The following EMC1 variants were observed in gnomAD, a reference collection of about 807,000 sequenced individuals.
The protein encoded by EMC1 is KIAA0090.
EMC1 carries 103 observed loss-of-function variants against 128.8 expected under a neutral mutation model. The observed-to-expected ratio is 0.80, with a 90% confidence interval of 0.68 to 0.94. The LOEUF (loss-of-function observed/expected upper bound fraction) is 0.94. EMC1 is among the 40% of genes least tolerant of loss of function. The pLI, the probability that EMC1 is intolerant of heterozygous loss-of-function variation, is 0.00. For missense variants in EMC1, 1,083 were observed against 1,250.6 expected (o/e 0.87, Z 2.02); for synonymous variants, 442 against 490.4 (o/e 0.90, Z 1.30).
chr1:19,249,731 C>A (rs1459131961), intron 1 of EMC1, among the ~76,000 whole-genome samples: 1 of 151,872 alleles, frequency 6.6e-6, no homozygotes, highest in Admixed American at 6.6e-5. Context: ...TCAAGACCAG[C>A]CTGGGCAACA....
intron 3 of EMC1, 94 bp from the exon 4 acceptor site, chr1:19,243,801 G>C: frequency 6.9e-7 from 1 of 1,456,586 alleles, no homozygotes; most frequent in Non-Finnish European, 9.6e-7. Flanking sequence ...TCTGATTTCT[G>C]GATGCAAATA....
intron 20 of EMC1, 58 bp downstream of exon 20, chr1:19,222,566 C>A (rs1002911206): frequency 6.7e-7 from 1 of 1,484,056 alleles, no homozygotes; most frequent in Non-Finnish European, 9.4e-7. Flanking sequence ...CTTGCTCTGT[C>A]CTTAAGTGTG....
chr1:19,226,724 TG>T (rs1007152546), intron 18 of EMC1, among the ~76,000 whole-genome samples: 4 of 151,304 alleles, frequency 2.6e-5, no homozygotes, highest in Non-Finnish European at 5.9e-5. Context: ...CCCAGCTAAT[TG>T]TTTTTTTTGT....
At chr1:19,243,222 G>C (rs1482502003) in intron 4 of EMC1, among the ~76,000 whole-genome samples, 2 of 152,108 alleles carry the variant, frequency 1.3e-5, no homozygotes, top group African/African-American at 4.8e-5. Context: ...GTGACAGAGT[G>C]AAACTATGTC....
In EMC1 at chr1:19,242,357, T is replaced by C. The variant is rs769177154; in HGVS notation, c.497A>G (p.His166Arg). The change falls in exon 5 of 23, where the codon CAT becomes CGT. Residue 166 changes from histidine (H) to arginine (R), a missense_variant. His to Arg is a conservative substitution (Grantham distance 29). This residue lies in a region of EMC1 where 544 missense variants were observed against 572.4 expected (regional missense o/e 0.95). Coordinates refer to ENST00000477853, the MANE Select transcript of EMC1 (RefSeq NM_015047.3). The part of the protein sequence containing the change: ...LSSGHLKWVE[H>R]LPESDSIHYQ... ...CAGGCAGCCTTACCTTTCTGGGAGATGTTCCACCCACTTGAGGTGCCCACT... is the reference window on the plus strand; with the variant it reads ...CAGGCAGCCTTACCTTTCTGGGAGACGTTCCACCCACTTGAGGTGCCCACT... 6.2e-7 allele frequency: 1 copy of C among 1,614,182 alleles called. No individual in the cohort carries two copies. The highest frequency in any genetic ancestry group is 1.1e-5 in the South Asian group (1 of 91,084).
chr1:19,243,448 T>C (rs1449259056), intron 4 of EMC1, among the ~76,000 whole-genome samples, 166 bp downstream of exon 4: 1 of 152,172 alleles, frequency 6.6e-6, no homozygotes, highest in Non-Finnish European at 1.5e-5. Flanking sequence ...AGGCGCTCAA[T>C]ACATGTTGGC....
At chr1:19,249,951 C>T (rs1372880026) in intron 1 of EMC1, among the ~76,000 whole-genome samples, 1 of 151,994 alleles carries the variant, frequency 6.6e-6, no homozygotes, top group African/African-American at 2.4e-5. Context: ...GGCGCAGTGG[C>T]TCCCACCTGT....
intron 21 of EMC1, chr1:19,220,283 G>T (rs961852443): frequency 6.3e-6 from 1 of 158,288 alleles, no homozygotes; most frequent in Admixed American, 6.1e-5. Flanking sequence ...AATTACCTCA[G>T]TGATCTCATT....
chr1:19,222,914 C>T, intron 19 of EMC1, 80 bp from the exon 20 acceptor site: 1 of 1,028,982 alleles, frequency 9.7e-7, no homozygotes, highest in Non-Finnish European at 1.4e-6. Context: ...AGGCACCCCT[C>T]TAATTAGCTA....
intron 1 of EMC1, among the ~76,000 whole-genome samples, chr1:19,250,037 G>A (rs1048899442): frequency 6.6e-6 from 1 of 151,954 alleles, no homozygotes; most frequent in Non-Finnish European, 1.5e-5. Flanking sequence ...GACCAACATG[G>A]AGAAACCCTG....
chr1:19,241,569 C>A (rs2093606106), intron 5 of EMC1, among the ~76,000 whole-genome samples: 1 of 152,136 alleles, frequency 6.6e-6, no homozygotes, highest in South Asian at 2.1e-4. Context: ...GGCTGCAGTG[C>A]AGTGGTGCGA....
intron 1 of EMC1, among the ~76,000 whole-genome samples, chr1:19,250,833 A>G (rs2093655592): frequency 6.6e-6 from 1 of 152,182 alleles, no homozygotes; most frequent in Non-Finnish European, 1.5e-5. Flanking sequence ...AATTCAAACA[A>G]AAGCAAGCTA....
chr1:19,222,147 G>T (rs1037744802), intron 20 of EMC1, among the ~76,000 whole-genome samples: 5 of 151,488 alleles, frequency 3.3e-5, no homozygotes, highest in African/African-American at 2.4e-5. Context: ...TAGAGAGGTG[G>T]TATATCAGAA....
At position 19,243,717 on chromosome 1, in the gene EMC1, A is replaced by G; in HGVS notation, c.287-10T>C. The G allele has an allele frequency of 6.2e-7, 1 of 1,613,822 alleles. No individual in the cohort carries two copies. Among genetic ancestry groups the G allele is most frequent in the Non-Finnish European group, 8.5e-7 (1 of 1,179,692 alleles). ...GACACAGTGATCACATCTGGAAAAG[A>G]AAAGATCGTGGTGAAGTCATTTCCC... is the stretch of plus-strand genomic sequence containing the variant. On this transcript the variant is annotated splice_polypyrimidine_tract_variant and intron_variant, in intron 3 of 22. Transcript: ENST00000477853.
chr1:19,251,432 T>G lies in EMC1; in HGVS notation c.78A>C (p.Gln26His). Residue 26 changes from glutamine to histidine, a missense_variant, in exon 1 of 23, where the codon CAA becomes CAC. Around this residue, in one of 3 missense-constraint regions of EMC1, gnomAD observed 544 missense variants for 572.4 expected, o/e 0.95. Transcript: ENST00000477853. The stretch of plus-strand genomic sequence containing the variant: ...GTACGCACCAATCAAACTTGCCCAC[T>G]TGGTCTTCGTAGACCGCGGCCGCAG... ...LIPAAAVYEDQVGKFDWRQQY... is the reference protein window; with the variant it reads ...LIPAAAVYEDHVGKFDWRQQY... 6.2e-7 allele frequency: 1 copy of G among 1,614,134 alleles called. No homozygotes were observed. The highest frequency in any genetic ancestry group is 8.5e-7 in the Non-Finnish European group (1 of 1,180,034).
rs1337947450 is a variant in EMC1 at position 19,217,536 on chromosome 1, G to C, written c.*1767C>G. 1 of 150,928 alleles carries C rather than the reference G, an allele frequency of 6.6e-6. No individual in the cohort carries two copies. The highest frequency in any genetic ancestry group is 2.4e-5 in the African/African-American group (1 of 41,106). 9.3% of individuals were successfully genotyped at this position (150,928 alleles called of 1,614,324 possible). On this transcript the variant is annotated 3_prime_UTR_variant, in exon 23 of 23. Coordinates refer to ENST00000477853, the MANE Select transcript of EMC1 (RefSeq NM_015047.3). ...TGTCTCAAAAAAAAAAAAAGCACCT[G>C]CTTTGAGGTAACTTTGATTACAGCT...
At chr1:19,240,097 G>C (rs2093595340) in intron 7 of EMC1, 112 bp from the exon 8 acceptor site, 1 of 1,259,618 alleles carries the variant, frequency 7.9e-7, no homozygotes, top group South Asian at 1.5e-5. Flanking sequence ...GGCCATGGCA[G>C]GTGGCTCCAA....
At chr1:19,232,472 C>G (rs2093531116) in intron 15 of EMC1, 152 bp downstream of exon 15, 1 of 883,452 alleles carries the variant, frequency 1.1e-6, no homozygotes, top group South Asian at 1.6e-5. Context: ...GATGGTTCCT[C>G]CACCCATGCA....
intron 19 of EMC1, 104 bp downstream of exon 19, chr1:19,223,292 T>G: frequency 9.3e-7 from 1 of 1,077,826 alleles, no homozygotes; most frequent in Non-Finnish European, 1.4e-6. Flanking sequence ...TCCAGGGAAT[T>G]TGAGATCCTA....
Sources: gnomAD v4.1 joint callset for allele counts (sites outside exome capture counted in the v4.1 genomes callset) on GRCh38, gnomAD v4.1.1 for gene constraint, gnomAD v4.1.1 regional missense constraint, MANE v1.5 for transcripts, NCBI Gene and HGNC (gene_info 2026-07-23, HGNC 2026-07-21) for gene names.